PLEKHA6: variants seen among roughly 807,000 people sequenced by gnomAD.
The protein encoded by PLEKHA6 is pleckstrin homology domain containing A6, also known as pleckstrin homology domain-containing family A member 6.
In PLEKHA6, 60 loss-of-function variants were observed where a neutral mutation model predicts 116.7. The ratio of observed to expected loss-of-function variants is 0.51; its 90% CI spans 0.42 to 0.64. The LOEUF is 0.64. Among genes scored for constraint, PLEKHA6 ranks in the 30% least tolerant of loss-of-function variants. The probability of loss-of-function intolerance (pLI) is 0.00; values close to 1 mark genes in which losing one functional copy is unlikely to be tolerated. For missense variants in PLEKHA6, 1,338 were observed against 1,422.7 expected (o/e 0.94, Z 0.96); for synonymous variants, 489 against 556.1 (o/e 0.88, Z 1.70).
In PLEKHA6 at chr1:204,244,998, G is replaced by A. The variant is rs373236949; in HGVS notation, c.2038C>T (p.Leu680Phe). ...GTDTAKHRGG[L>F]GPSATYSSNS... ...GAGCTGTAGGTGGCTGAGGGGCCAA[G>A]TCCTCCTTGGGGGAAACAAGGGGAT... Residue 680 changes from leucine to phenylalanine, a missense_variant, in exon 15 of 23, where the codon CTT becomes TTT. Around this residue, in one of 3 missense-constraint regions of PLEKHA6, gnomAD observed 1,136 missense variants for 1,163.6 expected, o/e 0.98. Transcript: ENST00000272203. 3.5e-6 allele frequency: 5 copies of A among 1,430,462 alleles called. No homozygotes were observed. The African/African-American group carries it at 5.9e-5, about 17-fold the overall frequency. The allele number at this position is 1,430,462 out of a possible 1,614,324, so 88.6% of individuals were successfully genotyped here.
intron 1 of PLEKHA6, among the ~76,000 whole-genome samples, chr1:204,349,305 G>A (rs969020620): frequency 3.3e-5 from 5 of 152,262 alleles, no homozygotes; most frequent in Admixed American, 2.0e-4. Flanking sequence ...TTGGGAGGCC[G>A]AGGCGGGCGG....
intron 2 of PLEKHA6, among the ~76,000 whole-genome samples, chr1:204,370,262 C>T (rs545646218): frequency 1.3e-5 from 2 of 152,344 alleles, no homozygotes; most frequent in South Asian, 2.1e-4. Context: ...AGCTCAGAAG[C>T]TAAAAAGAAA....
In PLEKHA6 at chr1:204,261,657, C is replaced by T; in HGVS notation, c.382-209G>A. ...AGGGTTCCAGCTGGTACCCACGTATCCACCTTGGCTGGCTCTCTGGGCACC... is the reference window on the plus strand; with the variant it reads ...AGGGTTCCAGCTGGTACCCACGTATTCACCTTGGCTGGCTCTCTGGGCACC... On this transcript the variant is annotated intron_variant, in intron 6 of 22. Coordinates refer to ENST00000272203, the MANE Select transcript of PLEKHA6 (RefSeq NM_014935.5). The surrounding 1 kb of genome is among the most constrained non-coding windows in gnomAD (Gnocchi z 4.0). 1.7e-6 allele frequency: 1 copy of T among 583,240 alleles called. No individual in the cohort carries two copies. The highest frequency in any genetic ancestry group is 3.0e-6 in the Non-Finnish European group (1 of 333,170). 36.1% of individuals were successfully genotyped at this position (583,240 alleles called of 1,614,324 possible).
intron 6 of PLEKHA6, among the ~76,000 whole-genome samples, chr1:204,262,516 T>A (rs1666254362): frequency 6.6e-6 from 1 of 152,092 alleles, no homozygotes; most frequent in South Asian, 2.1e-4. Flanking sequence ...AGGGGACATC[T>A]AGCAGTGATT....
In PLEKHA6 at chr1:204,311,040, T is replaced by G. The variant is rs557243916; in HGVS notation, c.-94-36231A>C. On this transcript the variant is annotated intron_variant, in intron 1 of 22. Transcript: ENST00000272203. ...ATCCCAGAATGAGAGCCTCCCACAT[T>G]TTGGAGGGATCTCAGCATTAAGCAG... 2.0e-5 allele frequency among the ~76,000 whole-genome samples: 3 copies of G among 152,204 alleles called. No homozygotes were observed. In the South Asian group the frequency reaches 6.2e-4, roughly 32 times the overall value.
chr1:204,322,615 T>C (rs1672104325), intron 1 of PLEKHA6, among the ~76,000 whole-genome samples: 1 of 152,230 alleles, frequency 6.6e-6, no homozygotes, highest in South Asian at 2.1e-4. Context: ...GCTGTCACTA[T>C]TATCCAGAGC....
At position 204,261,355 on chromosome 1, in the gene PLEKHA6, C is replaced by T. The variant is rs746079328; in HGVS notation, c.475G>A (p.Val159Ile). Residue 159 changes from valine to isoleucine, a missense_variant, in exon 7 of 23, where the codon GTA becomes ATA. Val to Ile is a conservative substitution (Grantham distance 29). This residue lies in a region of PLEKHA6 where 140 missense variants were observed against 197.4 expected (regional missense o/e 0.71). Transcript: ENST00000272203. The surrounding 1 kb of genome is among the most constrained non-coding windows in gnomAD (Gnocchi z 4.0). ...GACTTCTGGGCTGGAGGGATCTGTA[C>T]TCGAGCAGCCTCCCCCATGGCCTGG... ...WIQAMGEAAR[V>I]QIPPAQKSVP... 6.2e-7 allele frequency: 1 copy of T among 1,614,184 alleles called. No individual in the cohort carries two copies. The highest frequency in any genetic ancestry group is 2.2e-5 in the East Asian group (1 of 44,880).
At chr1:204,365,462 C>T (rs914365601) in intron 3 of PLEKHA6, among the ~76,000 whole-genome samples, 7 of 152,174 alleles carry the variant, frequency 4.6e-5, no homozygotes, top group South Asian at 2.1e-4. Flanking sequence ...ATTGACAGGA[C>T]CCATGGGGGA....
At chr1:204,231,843 G>T (rs1258598529) in intron 17 of PLEKHA6, among the ~76,000 whole-genome samples, 2 of 152,222 alleles carry the variant, frequency 1.3e-5, no homozygotes, top group African/African-American at 4.8e-5. Context: ...TGGGATTATA[G>T]GTGTGAGCCA....
chr1:204,248,076 T>G (rs1483225008), intron 12 of PLEKHA6, among the ~76,000 whole-genome samples: 1 of 152,110 alleles, frequency 6.6e-6, no homozygotes, highest in African/African-American at 2.4e-5. Flanking sequence ...TTTCTGCTGC[T>G]TCTTGGAGCC....
chr1:204,328,593 T>C (rs1193049574), intron 1 of PLEKHA6, among the ~76,000 whole-genome samples: 1 of 145,358 alleles, frequency 6.9e-6, no homozygotes. Context: ...TCCATGTTGG[T>C]CAGGCTAGTA....
rs538358435 is a variant in PLEKHA6, at chr1:204,229,727, G to C, written c.2584-623C>G. Among the ~76,000 whole-genome samples the C allele has an allele frequency of 5.9e-5, 9 of 152,326 alleles. No homozygotes were observed. The South Asian group carries it at 1.9e-3, about 32-fold the overall frequency. ...GCCAACCACACCCGGCTAACTTCCA[G>C]TGATTTCATATTATAGAAGTTCTAA... On this transcript the variant is annotated intron_variant, in intron 18 of 22. Transcript: ENST00000272203.
intron 1 of PLEKHA6, among the ~76,000 whole-genome samples, chr1:204,359,341 G>A (rs1286372870): frequency 6.6e-6 from 1 of 152,108 alleles, no homozygotes; most frequent in African/African-American, 2.4e-5. Flanking sequence ...AGGGAGGGTG[G>A]GCTGGCCTCT....
intron 9 of PLEKHA6, chr1:204,255,771 A>G (rs555436121): frequency 1.5e-6 from 1 of 689,432 alleles, no homozygotes; most frequent in East Asian, 2.7e-5. Context: ...CAAAGCAGTT[A>G]AGAGTTAGCG....
chr1:204,370,015 A>C (rs952403456), intron 2 of PLEKHA6, among the ~76,000 whole-genome samples: 2 of 152,232 alleles, frequency 1.3e-5, no homozygotes, highest in Non-Finnish European at 2.9e-5. Flanking sequence ...ATAAAGATGA[A>C]GAAGCTAAGT....
intron 1 of PLEKHA6, among the ~76,000 whole-genome samples, chr1:204,344,363 G>T (rs1210932474): frequency 1.3e-5 from 2 of 152,134 alleles, no homozygotes; most frequent in Non-Finnish European, 2.9e-5. Context: ...ACTTTGGGAG[G>T]CCTAGGCAGG....
At chr1:204,253,298 G>C (rs1199908008) in intron 9 of PLEKHA6, among the ~76,000 whole-genome samples, 3 of 151,868 alleles carry the variant, frequency 2.0e-5, no homozygotes, top group African/African-American at 7.3e-5. Context: ...CAAAGACCCA[G>C]AGAAACTAAG....
intron 1 of PLEKHA6, among the ~76,000 whole-genome samples, chr1:204,286,710 C>T (rs12064622): frequency 0.03 from 4,570 of 152,238 alleles, 208 homozygotes; most frequent in African/African-American, 0.1. Flanking sequence ...AGCCCCCCTG[C>T]CCTGCCTGGA....
chr1:204,293,863 T>C (rs1004263469), intron 1 of PLEKHA6, among the ~76,000 whole-genome samples: 2 of 152,128 alleles, frequency 1.3e-5, no homozygotes, highest in African/African-American at 4.8e-5. Flanking sequence ...CTTCAATGCA[T>C]GAACATGGAG....
Sources: allele counts gnomAD v4.1 joint callset (sites outside exome capture counted in the v4.1 genomes callset), GRCh38; gene constraint gnomAD v4.1.1; regional missense constraint gnomAD v4.1.1; non-coding constraint Gnocchi (gnomAD v3.1); transcripts MANE v1.5; gene names NCBI Gene and HGNC (gene_info 2026-07-23, HGNC 2026-07-21).